The following ADAM10 variants were observed in gnomAD, a reference collection of about 807,000 sequenced individuals.
ADAM10 encodes the protein ADAM metallopeptidase domain 10.
Under a neutral mutation model 90.1 loss-of-function variants are expected in ADAM10, and 17 were observed. That is an observed-to-expected ratio of 0.19 (90% CI 0.13 to 0.28). The LOEUF (loss-of-function observed/expected upper bound fraction) is 0.28. Ranked by LOEUF, ADAM10 falls within the 10% of genes least tolerant of loss-of-function variation. The pLI is 1.00. For synonymous variants in ADAM10, 310 were observed against 298.6 expected (o/e 1.04, Z -0.40); for missense variants, 610 against 914.3 (o/e 0.67, Z 4.29).
At chr15:58,641,103 C>T in intron 7 of ADAM10, 143 bp from the exon 8 acceptor site, 1 of 762,368 alleles carries the variant, frequency 1.3e-6, no homozygotes, top group South Asian at 1.5e-5. Context: ...AGGTTGTTCC[C>T]ACTGCCCACA....
chr15:58,695,144 G>A (rs1450137947), intron 2 of ADAM10, among the ~76,000 whole-genome samples: 3 of 151,966 alleles, frequency 2.0e-5, no homozygotes, highest in Non-Finnish European at 2.9e-5. Flanking sequence ...CACCCTTTTA[G>A]TTTGAGGCTG....
chr15:58,627,629 C>A, intron 10 of ADAM10, 71 bp downstream of exon 10: 1 of 1,387,840 alleles, frequency 7.2e-7, no homozygotes, highest in South Asian at 1.2e-5. Flanking sequence ...TCAGTAATCA[C>A]TATAGAATTC....
At chr15:58,652,812 G>C (rs1008609484) in intron 5 of ADAM10, among the ~76,000 whole-genome samples, 12 of 133,648 alleles carry the variant, frequency 9.0e-5, no homozygotes, top group African/African-American at 4.0e-4. Flanking sequence ...ATTGCCTTTT[G>C]TAATTATGGA....
chr15:58,724,101 C>T (rs778369579), intron 1 of ADAM10, among the ~76,000 whole-genome samples: 2 of 151,476 alleles, frequency 1.3e-5, no homozygotes, highest in African/African-American at 2.4e-5. Context: ...TGCTTGAACC[C>T]GGGAGGCAGA....
chr15:58,730,005 A>AC (rs1231647550), intron 1 of ADAM10, among the ~76,000 whole-genome samples: 1 of 131,032 alleles, frequency 7.6e-6, no homozygotes. Context: ...CAAACAAACA[A>AC]AAAAAAAAAC....
chr15:58,683,617 T>G (rs564529629), intron 2 of ADAM10, among the ~76,000 whole-genome samples: 60 of 152,010 alleles, frequency 3.9e-4, no homozygotes, highest in African/African-American at 1.4e-3. Context: ...ATCCCAGAAC[T>G]TTGGGAGGCT....
chr15:58,615,774 G>A (rs1264316954), intron 11 of ADAM10, among the ~76,000 whole-genome samples: 6 of 152,078 alleles, frequency 3.9e-5, no homozygotes, highest in East Asian at 1.9e-4. Context: ...TTGGGAGGCC[G>A]AGGCGGGCAG....
intron 5 of ADAM10, among the ~76,000 whole-genome samples, chr15:58,655,809 G>A (rs28852159): frequency 1.2e-3 from 157 of 131,848 alleles, no homozygotes; most frequent in Non-Finnish European, 2.0e-3. Flanking sequence ...TGCAGTGGCC[G>A]GATCTCAGCT....
chr15:58,615,505 T>G (rs532540904), intron 11 of ADAM10, among the ~76,000 whole-genome samples: 1 of 152,100 alleles, frequency 6.6e-6, no homozygotes, highest in Non-Finnish European at 1.5e-5. Flanking sequence ...TAGGTTGGTC[T>G]TGCACTCCTG....
chr15:58,647,246 G>GCATTTTTTT (rs1896569038), intron 5 of ADAM10, among the ~76,000 whole-genome samples: 5 of 36,826 alleles, frequency 1.4e-4, no homozygotes, highest in African/African-American at 2.9e-4. Flanking sequence ...TAGACACTAA[G>GCATTTTTTT]TATTTTTTTT....
intron 5 of ADAM10, among the ~76,000 whole-genome samples, chr15:58,651,655 A>G (rs1896690397): frequency 6.6e-6 from 1 of 152,146 alleles, no homozygotes; most frequent in African/African-American, 2.4e-5. Flanking sequence ...TTATCCATTC[A>G]TCTATTAACA....
At chr15:58,654,942 C>A (rs1896772500) in intron 5 of ADAM10, among the ~76,000 whole-genome samples, 1 of 152,074 alleles carries the variant, frequency 6.6e-6, no homozygotes, top group Non-Finnish European at 1.5e-5. Context: ...GATCCAGGTG[C>A]TGAGGAGAAA....
At chr15:58,676,926 G>C (rs1015571577) in intron 4 of ADAM10, among the ~76,000 whole-genome samples, 1 of 152,172 alleles carries the variant, frequency 6.6e-6, no homozygotes, top group Non-Finnish European at 1.5e-5. Context: ...CTGAGTAGCT[G>C]CAATAAAACA....
chr15:58,610,468 G>A lies in ADAM10; in HGVS notation c.1854C>T (p.His618=), dbSNP rs138671894. ...GCAGGGTGATGGTTCGACCACTGAA[G>A]TGCCTACTCCACTGCACAGACCCTG... The part of the protein sequence containing the change: ...ASTGSVQWSR[H]FSGRTITLQP... Residue 618 remains histidine (H), a synonymous_variant, in exon 14 of 16, where the codon CAC becomes CAT. Coordinates refer to ENST00000260408, the MANE Select transcript of ADAM10 (RefSeq NM_001110.4). 6.1e-5 allele frequency: 99 copies of A among 1,614,050 alleles called. No homozygotes were observed. In the African/African-American group the frequency reaches 1.1e-3, roughly 19 times the overall value.
intron 1 of ADAM10, among the ~76,000 whole-genome samples, chr15:58,745,748 TGA>T (rs1899770885): frequency 6.6e-6 from 1 of 151,938 alleles, no homozygotes. Flanking sequence ...GTAACAAAAA[TGA>T]GTGAAAAAGG....
In ADAM10 at chr15:58,749,502, G is replaced by A; in HGVS notation, c.33C>T (p.Leu11=). The change falls in exon 1 of 16, where the codon CTC becomes CTT. Residue 11 remains leucine (L), a synonymous_variant. Coordinates refer to ENST00000260408, the MANE Select transcript of ADAM10 (RefSeq NM_001110.4). MVLLRVLILL[L]SWAAGMGGQY... is the part of the protein sequence containing the mutation. ...CACCTCCCATCCCCGCCGCCCAGGAGAGGAGCAGAATTAACACTCTCAGCA... is the reference window on the plus strand; with the variant it reads ...CACCTCCCATCCCCGCCGCCCAGGAAAGGAGCAGAATTAACACTCTCAGCA... 6.4e-7 allele frequency: 1 copy of A among 1,554,266 alleles called. No homozygotes were observed. Among genetic ancestry groups the A allele is most frequent in the Non-Finnish European group, 8.7e-7 (1 of 1,148,798 alleles).
intron 1 of ADAM10, among the ~76,000 whole-genome samples, chr15:58,723,894 A>C (rs1177571641): frequency 6.6e-6 from 1 of 152,194 alleles, no homozygotes; most frequent in Non-Finnish European, 1.5e-5. Flanking sequence ...CGACATTTGG[A>C]AACAATCCTA....
intron 2 of ADAM10, among the ~76,000 whole-genome samples, chr15:58,703,357 T>C (rs1898186471): frequency 1.4e-5 from 2 of 144,218 alleles, no homozygotes; most frequent in Admixed American, 7.0e-5. Context: ...TGTAGGTATA[T>C]ACCCAAAGAA....
rs547974554 is a variant in ADAM10 at position 58,646,974 on chromosome 15, C to G, written c.586-770G>C. ...TATCTCCTGCCAGTCTTTGCACATG[C>G]TGACACTACCTCTTCTGATCTTGTT... On this transcript the variant is annotated intron_variant, in intron 5 of 15. Coordinates refer to ENST00000260408, the MANE Select transcript of ADAM10 (RefSeq NM_001110.4). Among the ~76,000 whole-genome samples, 178 of 152,288 alleles carry G rather than the reference C, an allele frequency of 1.2e-3. 1 individual carries two copies. The highest frequency in any genetic ancestry group is 4.1e-3 in the African/African-American group (170 of 41,574).
Sources: allele counts gnomAD v4.1 joint callset (sites outside exome capture counted in the v4.1 genomes callset), GRCh38; gene constraint gnomAD v4.1.1; transcripts MANE v1.5; gene names NCBI Gene and HGNC (gene_info 2026-07-23, HGNC 2026-07-21).